The following POF1B variants were observed in gnomAD, a reference collection of about 807,000 sequenced individuals.
The protein encoded by POF1B is protein POF1B.
Under a neutral mutation model 55.3 loss-of-function variants are expected in POF1B, and 53 were observed. The observed-to-expected ratio is 0.96, with a 90% CI of 0.77 to 1.20. POF1B has a LOEUF of 1.20. Ranked by LOEUF, POF1B falls within the 50% of genes most tolerant of loss-of-function variation. POF1B has a pLI of 0.00. For synonymous variants in POF1B, 188 were observed against 148.3 expected (o/e 1.27, Z -1.95); for missense variants, 478 against 420.5 (o/e 1.14, Z -1.20).
At chrX:85,311,094 T>C (rs953414928) in intron 9 of POF1B, among the ~76,000 whole-genome samples, 3 of 111,698 alleles carry the variant, frequency 2.7e-5, no homozygotes, top group Admixed American at 9.5e-5. Context: ...AAAGAAGTTG[T>C]CTAAAGAGAA....
intron 13 of POF1B, 130 bp downstream of exon 13, chrX:85,305,661 A>C: frequency 1.5e-6 from 1 of 649,197 alleles, no homozygotes; most frequent in East Asian, 3.5e-5. Flanking sequence ...AAAACAAATG[A>C]ATACATGACA....
intron 15 of POF1B, among the ~76,000 whole-genome samples, chrX:85,299,540 G>T (rs1404406172): frequency 9.7e-6 from 1 of 102,690 alleles, no homozygotes. Context: ...CGCCCGCCTC[G>T]GCCTCCCAAA....
rs771018824 is a variant in POF1B at position 85,315,744 on chromosome X, CA to C, written c.855-11del. On this transcript the variant is annotated splice_polypyrimidine_tract_variant and intron_variant, in intron 7 of 16. Transcript: ENST00000262753. ...CTCAAAGTCCTGTTTGCTGCAAGAACAAAAAAAAAGATACACAACTTTAGGA... is the reference window on the plus strand; with the variant it reads ...CTCAAAGTCCTGTTTGCTGCAAGAACAAAAAAAAGATACACAACTTTAGGA... 368 of 1,135,908 alleles carry C rather than the reference CA, an allele frequency of 3.2e-4. No individual in the cohort carries two copies. Among genetic ancestry groups the C allele is most frequent in the Admixed American group, 1.6e-3 (58 of 36,690 alleles). The allele number at this position is 1,135,908 out of a possible 1,213,427, so 93.6% of individuals were successfully genotyped here.
chrX:85,366,764 T>C (rs73513697), intron 3 of POF1B, among the ~76,000 whole-genome samples: 3,059 of 111,485 alleles, frequency 0.027, 86 homozygotes, highest in African/African-American at 0.084. Context: ...GTGTCTAATT[T>C]ACCTTTGTGC....
At chrX:85,322,816 C>T (rs1230739319) in intron 7 of POF1B, among the ~76,000 whole-genome samples, 12 of 111,771 alleles carry the variant, frequency 1.1e-4, no homozygotes, top group Admixed American at 9.5e-4. Context: ...AAAGAAGACA[C>T]TTATGCAGCC....
intron 7 of POF1B, among the ~76,000 whole-genome samples, chrX:85,324,818 G>A (rs1435789522): frequency 9.0e-6 from 1 of 111,375 alleles, no homozygotes; most frequent in African/African-American, 3.3e-5. Flanking sequence ...GTGTTTTTAT[G>A]GTGTTTAATA....
intron 3 of POF1B, among the ~76,000 whole-genome samples, chrX:85,367,191 T>A (rs1022074928): frequency 4.5e-5 from 5 of 111,945 alleles, no homozygotes; most frequent in African/African-American, 6.5e-5. Flanking sequence ...TTTATTATTA[T>A]AGCTACCTTT....
intron 16 of POF1B, among the ~76,000 whole-genome samples, chrX:85,281,615 A>G (rs1931899280): frequency 1.8e-5 from 2 of 109,441 alleles, no homozygotes; most frequent in East Asian, 5.8e-4. Flanking sequence ...GGAGTATATG[A>G]TGTTTAAAGT....
At chrX:85,356,464 G>GAA (rs764152936) in intron 4 of POF1B, among the ~76,000 whole-genome samples, 2 of 103,252 alleles carry the variant, frequency 1.9e-5, no homozygotes, top group African/African-American at 7.0e-5. Context: ...AATAAAAAAA[G>GAA]AAAAAAAAAG....
chrX:85,318,211 C>A (rs1165613769), intron 7 of POF1B, among the ~76,000 whole-genome samples: 1 of 111,365 alleles, frequency 9.0e-6, no homozygotes, highest in African/African-American at 3.3e-5. Flanking sequence ...ACTTGTAATC[C>A]CGAACTTTAA....
chrX:85,359,059 G>C (rs1603073246), intron 4 of POF1B, among the ~76,000 whole-genome samples: 2 of 110,890 alleles, frequency 1.8e-5, no homozygotes. Flanking sequence ...ACTCATTGCT[G>C]GGTACAAAAG....
chrX:85,364,941 C>T (rs1261325674), intron 3 of POF1B, among the ~76,000 whole-genome samples: 1 of 111,400 alleles, frequency 9.0e-6, no homozygotes, highest in African/African-American at 3.3e-5. Flanking sequence ...AGATTTTGTT[C>T]ATTCCTTTTC....
intron 5 of POF1B, among the ~76,000 whole-genome samples, 172 bp from the exon 6 acceptor site, chrX:85,346,214 T>G (rs1933268515): frequency 9.0e-6 from 1 of 110,977 alleles, no homozygotes; most frequent in Non-Finnish European, 1.9e-5. Context: ...TGGGAAAATT[T>G]GTATTGAATT....
chrX:85,295,763 G>A (rs1045109261), intron 15 of POF1B, among the ~76,000 whole-genome samples: 17 of 111,803 alleles, frequency 1.5e-4, no homozygotes, highest in Admixed American at 6.6e-4. Flanking sequence ...ATTTAAGCCC[G>A]AAATTCCTTT....
At chrX:85,302,095 A>T (rs1932471473) in intron 15 of POF1B, among the ~76,000 whole-genome samples, 1 of 111,508 alleles carries the variant, frequency 9.0e-6, no homozygotes. Context: ...AAAAATATAG[A>T]TGAATTGGAT....
intron 6 of POF1B, among the ~76,000 whole-genome samples, chrX:85,345,570 T>G (rs1933252662): frequency 9.0e-6 from 1 of 111,268 alleles, no homozygotes; most frequent in Admixed American, 9.6e-5. Context: ...ATATTTAACA[T>G]TGCACAACTG....
chrX:85,281,048 C>G (rs755633868), intron 16 of POF1B, among the ~76,000 whole-genome samples: 2 of 110,426 alleles, frequency 1.8e-5, no homozygotes, highest in East Asian at 5.8e-4. Flanking sequence ...CCGTAAGGTA[C>G]AAAATTGTTG....
At chrX:85,365,911 C>T (rs1476184622) in intron 3 of POF1B, among the ~76,000 whole-genome samples, 1 of 110,824 alleles carries the variant, frequency 9.0e-6, no homozygotes, top group Non-Finnish European at 1.9e-5. Context: ...TGCTGTAGGC[C>T]TAAGTCGGGG....
intron 2 of POF1B, among the ~76,000 whole-genome samples, chrX:85,375,366 T>A (rs778209663): frequency 2.6e-4 from 29 of 111,534 alleles, no homozygotes; most frequent in African/African-American, 9.4e-4. Flanking sequence ...CACCCTCATA[T>A]CTTGCCACAC....
Sources: allele counts gnomAD v4.1 joint callset (sites outside exome capture counted in the v4.1 genomes callset), GRCh38; gene constraint gnomAD v4.1.1; transcripts MANE v1.5; gene names NCBI Gene and HGNC (gene_info 2026-07-23, HGNC 2026-07-21).